Variants in ANXA10 observed in about 807,000 individuals in gnomAD.
The protein encoded by ANXA10 is annexin A10, also known as annexin 14.
In ANXA10, 49 loss-of-function variants were observed where a neutral mutation model predicts 53.5. The observed-to-expected ratio is 0.92, with a 90% CI of 0.73 to 1.16. The LOEUF (loss-of-function observed/expected upper bound fraction) is 1.16, where lower values mean the gene tolerates loss of function less well. Ranked by LOEUF, ANXA10 falls within the 50% of genes most tolerant of loss-of-function variation. The pLI, the probability that ANXA10 is intolerant of heterozygous loss-of-function variation, is 0.00. For synonymous variants in ANXA10, 131 were observed against 128.9 expected (o/e 1.02, Z -0.11); for missense variants, 393 against 394.4 (o/e 1.00, Z 0.03).
At chr4:168,120,816 G>A (rs931904754) in intron 1 of ANXA10, among the ~76,000 whole-genome samples, 2 of 152,044 alleles carry the variant, frequency 1.3e-5, no homozygotes, top group Non-Finnish European at 2.9e-5. Flanking sequence ...AGTGCTTAAA[G>A]TGGATTTGTT....
chr4:168,100,781 G>C (rs976110738), intron 1 of ANXA10, among the ~76,000 whole-genome samples: 1 of 151,758 alleles, frequency 6.6e-6, no homozygotes, highest in Non-Finnish European at 1.5e-5. Context: ...TTTTGTTTTG[G>C]GAACATTTCA....
chr4:168,187,152 C>T (rs1036816373), intron 11 of ANXA10, among the ~76,000 whole-genome samples: 8 of 151,994 alleles, frequency 5.3e-5, no homozygotes, highest in African/African-American at 1.9e-4. Flanking sequence ...TTATGTAAAC[C>T]ACATACTACT....
chr4:168,132,911 C>T (rs943804717), intron 2 of ANXA10, among the ~76,000 whole-genome samples: 1 of 152,084 alleles, frequency 6.6e-6, no homozygotes, highest in Non-Finnish European at 1.5e-5. Context: ...TATCTACTCA[C>T]TAAAATTGTT....
rs1236105636 is a variant in ANXA10 at position 168,128,142 on chromosome 4, TAGG to T, written c.83_85del (p.Gly28del). 2 of 1,613,344 alleles carry T rather than the reference TAGG, an allele frequency of 1.2e-6. No individual in the cohort carries two copies. The highest frequency in any genetic ancestry group is 3.3e-5 in the Admixed American group (2 of 59,898). Reference sequence around the variant, plus strand: ...AATCCCATAATGGATGCCCAAATGCTAGGAGGAGCACTCCAAGGATTTGGTAAG... The same window carrying T: ...AATCCCATAATGGATGCCCAAATGCTAGGAGCACTCCAAGGATTTGGTAAG... On this transcript the variant is annotated inframe_deletion, in exon 2 of 12. Coordinates refer to ENST00000359299, the MANE Select transcript of ANXA10 (RefSeq NM_007193.5).
At chr4:168,148,062 A>G (rs953850929) in intron 3 of ANXA10, among the ~76,000 whole-genome samples, 2 of 152,066 alleles carry the variant, frequency 1.3e-5, no homozygotes, top group South Asian at 2.1e-4. Context: ...TACTGACCCC[A>G]TGTGTTTCAG....
At chr4:168,098,171 T>C (rs1730583055) in intron 1 of ANXA10, among the ~76,000 whole-genome samples, 1 of 152,098 alleles carries the variant, frequency 6.6e-6, no homozygotes, top group African/African-American at 2.4e-5. Flanking sequence ...TTTTTCCTAA[T>C]TAATCAACTT....
chr4:168,099,601 C>T (rs191579999), intron 1 of ANXA10, among the ~76,000 whole-genome samples: 3 of 152,066 alleles, frequency 2.0e-5, no homozygotes, highest in Admixed American at 1.3e-4. Flanking sequence ...TACAACTTAA[C>T]GACCAGAAGA....
intron 10 of ANXA10, among the ~76,000 whole-genome samples, chr4:168,184,156 G>A (rs983664527): frequency 6.6e-6 from 1 of 152,152 alleles, no homozygotes; most frequent in Non-Finnish European, 1.5e-5. Context: ...CCCCTCCAAG[G>A]AAGAATTCTT....
intron 8 of ANXA10, chr4:168,178,377 C>T (rs181043884): frequency 2.9e-4 from 51 of 176,782 alleles, no homozygotes; most frequent in Admixed American, 2.3e-3. Context: ...GCAATATCGA[C>T]GGAATCTTAT....
intron 10 of ANXA10, among the ~76,000 whole-genome samples, chr4:168,182,175 T>C (rs938760636): frequency 6.6e-6 from 1 of 152,182 alleles, no homozygotes; most frequent in Non-Finnish European, 1.5e-5. Context: ...TGTCAATGGA[T>C]ATTTTTGAAC....
At chr4:168,139,355 T>A (rs1441138172) in intron 2 of ANXA10, 131 bp from the exon 3 acceptor site, 17 of 606,002 alleles carry the variant, frequency 2.8e-5, no homozygotes, top group Non-Finnish European at 4.4e-5. Flanking sequence ...CCAATTTTAG[T>A]TAAAATTGTT....
intron 1 of ANXA10, among the ~76,000 whole-genome samples, chr4:168,109,383 T>G (rs142590345): frequency 0.01 from 1,550 of 152,314 alleles, 31 homozygotes; most frequent in African/African-American, 0.036. Flanking sequence ...ATCAAAATTC[T>G]CTTACTCCTT....
At chr4:168,133,802 C>G (rs531113368) in intron 2 of ANXA10, among the ~76,000 whole-genome samples, 2 of 152,078 alleles carry the variant, frequency 1.3e-5, no homozygotes, top group South Asian at 2.1e-4. Context: ...AATATAAATA[C>G]CACATACAAT....
At chr4:168,147,613 A>C (rs1246446315) in intron 3 of ANXA10, among the ~76,000 whole-genome samples, 1 of 152,224 alleles carries the variant, frequency 6.6e-6, no homozygotes, top group African/African-American at 2.4e-5. Context: ...TCAACAGTGG[A>C]AGTTATACTA....
chr4:168,132,116 C>T (rs761808016), intron 2 of ANXA10, among the ~76,000 whole-genome samples: 1 of 152,024 alleles, frequency 6.6e-6, no homozygotes, highest in Non-Finnish European at 1.5e-5. Flanking sequence ...TCCAGAAAAT[C>T]CACTGCTGGG....
chr4:168,183,239 A>G (rs1732297400), intron 10 of ANXA10, among the ~76,000 whole-genome samples: 4 of 152,220 alleles, frequency 2.6e-5, no homozygotes. Context: ...GTTATTATAT[A>G]TCTTCTGCAG....
chr4:168,115,293 C>CA (rs781697578), intron 1 of ANXA10, among the ~76,000 whole-genome samples: 2 of 152,108 alleles, frequency 1.3e-5, no homozygotes, highest in South Asian at 2.1e-4. Context: ...TTCACTCCCC[C>CA]AAAATACCAC....
intron 1 of ANXA10, among the ~76,000 whole-genome samples, chr4:168,104,450 A>G (rs1394392852): frequency 1.3e-5 from 2 of 151,936 alleles, no homozygotes; most frequent in African/African-American, 4.8e-5. Flanking sequence ...TCTAGAAAAA[A>G]ATTTGGTAGA....
In ANXA10 at chr4:168,178,282, T is replaced by C. The variant is rs575410540; in HGVS notation, c.628+299T>C. On this transcript the variant is annotated intron_variant, in intron 8 of 11. Transcript: ENST00000359299. ...TAGCTGTTTCCTATTAGGTATATTA[T>C]ATGTTGTCTTGCAAAATGCATAGTA... is the stretch of plus-strand genomic sequence containing the variant. The C allele has an allele frequency of 1.0e-4, 34 of 335,190 alleles. 1 individual carries two copies. The South Asian group carries it at 1.1e-3, about 10-fold the overall frequency. The allele number at this position is 335,190 out of a possible 1,614,324, so 20.8% of individuals were successfully genotyped here.
Sources: gnomAD v4.1 joint callset for allele counts (sites outside exome capture counted in the v4.1 genomes callset) on GRCh38, gnomAD v4.1.1 for gene constraint, MANE v1.5 for transcripts, NCBI Gene and HGNC (gene_info 2026-07-23, HGNC 2026-07-21) for gene names.